The following FAT3 variants were observed in gnomAD, a reference collection of about 807,000 sequenced individuals.
FAT3 encodes FAT atypical cadherin 3.
Under a neutral mutation model 310.2 loss-of-function variants are expected in FAT3, and 95 were observed. The ratio of observed to expected loss-of-function variants is 0.31; its 90% confidence interval spans 0.26 to 0.36. The LOEUF (loss-of-function observed/expected upper bound fraction) is 0.36, where lower values mean the gene tolerates loss of function less well. FAT3 is among the 10% of genes least tolerant of loss of function. The pLI, the probability that FAT3 is intolerant of heterozygous loss-of-function variation, is 1.00. For synonymous variants in FAT3, 2,314 were observed against 2,192.9 expected, an observed-to-expected ratio of 1.06 and a Z score of -1.54; for missense variants, 5,408 against 5,715.6, an observed-to-expected ratio of 0.95 and a Z score of 1.74.
chr11:92,260,609 A>G (rs1487834112), intron 1 of FAT3, among the ~76,000 whole-genome samples: 1 of 152,112 alleles, frequency 6.6e-6, no homozygotes, highest in Non-Finnish European at 1.5e-5. Context: ...GTTACAGGAA[A>G]TGGGCCATGA....
At chr11:92,654,244 T>C (rs1942491975) in intron 3 of FAT3, among the ~76,000 whole-genome samples, 1 of 152,176 alleles carries the variant, frequency 6.6e-6, no homozygotes, top group African/African-American at 2.4e-5. Context: ...TTCTGTAAGT[T>C]CCAGCCAGAA....
At chr11:92,449,123 A>G (rs1591305638) in intron 2 of FAT3, among the ~76,000 whole-genome samples, 1 of 152,192 alleles carries the variant, frequency 6.6e-6, no homozygotes, top group African/African-American at 2.4e-5. Flanking sequence ...CCTATTTTGC[A>G]GACTGCTGAG....
intron 9 of FAT3, among the ~76,000 whole-genome samples, chr11:92,794,014 G>A (rs1947102536): frequency 6.6e-6 from 1 of 151,972 alleles, no homozygotes; most frequent in Admixed American, 6.5e-5. Context: ...ACATGGGTCT[G>A]TGCTAAGCTC....
chr11:92,871,699 T>C (rs1949398124), intron 22 of FAT3, among the ~76,000 whole-genome samples: 1 of 152,170 alleles, frequency 6.6e-6, no homozygotes, highest in Non-Finnish European at 1.5e-5. Flanking sequence ...TTCTGAACTT[T>C]CCTACCGAGA....
At chr11:92,344,224 T>A (rs1219244244) in intron 1 of FAT3, among the ~76,000 whole-genome samples, 1 of 152,194 alleles carries the variant, frequency 6.6e-6, no homozygotes, top group Admixed American at 6.5e-5. Flanking sequence ...TCCCAACATA[T>A]CAAATGGAAA....
At chr11:92,735,063 G>A (rs1002286296) in intron 4 of FAT3, among the ~76,000 whole-genome samples, 8 of 152,098 alleles carry the variant, frequency 5.3e-5, no homozygotes, top group Non-Finnish European at 1.0e-4. Flanking sequence ...AGGCAAAGAG[G>A]ATTCTAGAAC....
At chr11:92,806,134 T>C (rs1375231171) in intron 11 of FAT3, among the ~76,000 whole-genome samples, 1 of 152,156 alleles carries the variant, frequency 6.6e-6, no homozygotes, top group Non-Finnish European at 1.5e-5. Context: ...ATGGTACATA[T>C]AGTGGATGCT....
chr11:92,279,678 T>A (rs1352718683), intron 1 of FAT3, among the ~76,000 whole-genome samples: 3 of 152,156 alleles, frequency 2.0e-5, no homozygotes, highest in Admixed American at 2.0e-4. Context: ...TCTTTATCAT[T>A]TCTATGTGTT....
At chr11:92,396,570 C>T (rs994888403) in intron 2 of FAT3, among the ~76,000 whole-genome samples, 6 of 152,144 alleles carry the variant, frequency 3.9e-5, no homozygotes, top group African/African-American at 1.4e-4. Context: ...TGGAGAACAT[C>T]CAGGGACCCC....
intron 1 of FAT3, among the ~76,000 whole-genome samples, chr11:92,310,706 T>G (rs1947275253): frequency 6.6e-6 from 1 of 152,048 alleles, no homozygotes; most frequent in African/African-American, 2.4e-5. Flanking sequence ...TATACACATA[T>G]AAGTTTCTGT....
intron 2 of FAT3, among the ~76,000 whole-genome samples, chr11:92,494,468 T>C (rs1288551490): frequency 6.6e-6 from 1 of 152,070 alleles, no homozygotes; most frequent in African/African-American, 2.4e-5. Context: ...ATTGTCTGAG[T>C]ACACTGTAGC....
At chr11:92,581,824 G>C (rs538384280) in intron 3 of FAT3, among the ~76,000 whole-genome samples, 15 of 152,126 alleles carry the variant, frequency 9.9e-5, no homozygotes, top group African/African-American at 3.1e-4. Flanking sequence ...AACTAGTGTT[G>C]CTGTTACAGG....
intron 1 of FAT3, among the ~76,000 whole-genome samples, chr11:92,305,801 T>C (rs1357930778): frequency 6.6e-6 from 1 of 152,142 alleles, no homozygotes; most frequent in Non-Finnish European, 1.5e-5. Context: ...ACTAAGGAAA[T>C]GTCCCGGATT....
intron 1 of FAT3, among the ~76,000 whole-genome samples, chr11:92,319,153 A>G (rs1483566394): frequency 6.6e-6 from 1 of 152,218 alleles, no homozygotes; most frequent in East Asian, 1.9e-4. Flanking sequence ...ATAAAATGGC[A>G]AGCAAGAATC....
chr11:92,652,839 G>A (rs1942435063), intron 3 of FAT3, among the ~76,000 whole-genome samples: 1 of 152,152 alleles, frequency 6.6e-6, no homozygotes, highest in Admixed American at 6.5e-5. Context: ...CTTTGCTTCT[G>A]TCCTGCATTT....
chr11:92,473,325 G>A (rs1198724830), intron 2 of FAT3, among the ~76,000 whole-genome samples: 1 of 138,534 alleles, frequency 7.2e-6, no homozygotes, highest in Non-Finnish European at 1.5e-5. Flanking sequence ...TGTGTTGGGT[G>A]GGGTTGTGCA....
At chr11:92,466,247 T>C (rs1050076930) in intron 2 of FAT3, among the ~76,000 whole-genome samples, 1 of 152,136 alleles carries the variant, frequency 6.6e-6, no homozygotes, top group Non-Finnish European at 1.5e-5. Flanking sequence ...CAAATATATA[T>C]TATGAAAGTA....
At chr11:92,264,282 T>C (rs1261823147) in intron 1 of FAT3, among the ~76,000 whole-genome samples, 1 of 152,204 alleles carries the variant, frequency 6.6e-6, no homozygotes. Flanking sequence ...TGGAATACTT[T>C]AAGACTCCAA....
rs373942868 is a variant in FAT3, at chr11:92,857,362, T to G, written c.11500+14T>G. On this transcript the variant is annotated intron_variant, in intron 20 of 27. Transcript: ENST00000525166. ...GAGAGTGCTCAGGTGCAGAGTGGAG[T>G]GGAATGATGCAGATCTAATTTCATA... 6.2e-7 allele frequency: 1 copy of G among 1,613,782 alleles called. No individual in the cohort carries two copies. The highest frequency in any genetic ancestry group is 2.2e-5 in the East Asian group (1 of 44,868).
Sources: gnomAD v4.1 joint callset for allele counts (sites outside exome capture counted in the v4.1 genomes callset) on GRCh38, gnomAD v4.1.1 for gene constraint, MANE v1.5 for transcripts, NCBI Gene and HGNC (gene_info 2026-07-23, HGNC 2026-07-21) for gene names.